KLF12: variants seen among roughly 807,000 people sequenced by gnomAD.
KLF12 encodes the protein KLF transcription factor 12, also known as Krueppel-like factor 12.
A neutral mutation model predicts 37.8 loss-of-function variants in KLF12; 9 were observed. The observed-to-expected ratio is 0.24, with a 90% CI of 0.14 to 0.42. The LOEUF is 0.42. KLF12 is among the 10% of genes least tolerant of loss of function. The pLI is 1.00. For synonymous variants in KLF12, 208 were observed against 202.1 expected (o/e 1.03, Z -0.25); for missense variants, 411 against 516.0 (o/e 0.80, Z 1.97).
intron 2 of KLF12, among the ~76,000 whole-genome samples, chr13:73,983,360 C>A (rs1411958969): frequency 3.3e-5 from 5 of 152,192 alleles, no homozygotes; most frequent in African/African-American, 1.2e-4. Flanking sequence ...GATGTCAGCA[C>A]GGACCTTTCA....
chr13:74,229,909 G>A, the KLF12 span, among the ~76,000 whole-genome samples: 1 of 152,128 alleles, frequency 6.6e-6, no homozygotes, highest in Non-Finnish European at 1.5e-5. Flanking sequence ...TGTTTCCTTG[G>A]CTCTTCAAAG....
chr13:73,797,840 T>C (rs926702261), intron 5 of KLF12, among the ~76,000 whole-genome samples: 2 of 151,854 alleles, frequency 1.3e-5, no homozygotes, highest in Non-Finnish European at 2.9e-5. Flanking sequence ...TTATCGTTAC[T>C]TGCTCAAAAC....
At chr13:74,126,342 A>G (rs140064175) in intron 1 of KLF12, among the ~76,000 whole-genome samples, 19 of 152,306 alleles carry the variant, frequency 1.2e-4, no homozygotes, top group Admixed American at 1.2e-3. Context: ...AAGGGACCAG[A>G]CATGTTTTAA....
At chr13:74,188,320 C>A in the KLF12 span, among the ~76,000 whole-genome samples, 1 of 151,976 alleles carries the variant, frequency 6.6e-6, no homozygotes, top group Non-Finnish European at 1.5e-5. Flanking sequence ...TAAAACAGAC[C>A]CAAATTATGT....
the KLF12 span, among the ~76,000 whole-genome samples, chr13:74,227,594 G>T: frequency 6.6e-6 from 1 of 151,948 alleles, no homozygotes; most frequent in African/African-American, 2.4e-5. Context: ...TTGCTTAAAG[G>T]TTTAACTCTT....
chr13:74,009,703 T>A (rs1032735611), intron 1 of KLF12, among the ~76,000 whole-genome samples: 10 of 152,216 alleles, frequency 6.6e-5, no homozygotes, highest in Non-Finnish European at 1.5e-4. Flanking sequence ...AATAAATGTA[T>A]ATAGTTAAAT....
the KLF12 span, among the ~76,000 whole-genome samples, chr13:74,292,807 C>G: frequency 1.3e-5 from 2 of 152,164 alleles, no homozygotes; most frequent in African/African-American, 2.4e-5. Flanking sequence ...TTTTCCATTG[C>G]CACTAGACAT....
the KLF12 span, among the ~76,000 whole-genome samples, chr13:74,255,729 T>TAAAA: frequency 5.3e-5 from 8 of 152,324 alleles, no homozygotes; most frequent in East Asian, 1.5e-3. Flanking sequence ...GAGAACTAAC[T>TAAAA]CTATCTACTG....
the KLF12 span, among the ~76,000 whole-genome samples, chr13:74,301,768 A>G: frequency 6.6e-6 from 1 of 152,144 alleles, no homozygotes; most frequent in Non-Finnish European, 1.5e-5. Context: ...AGACTCCTGC[A>G]TCCCATATTT....
intron 7 of KLF12, among the ~76,000 whole-genome samples, chr13:73,696,804 C>CT (rs1174675564): frequency 6.6e-6 from 1 of 152,182 alleles, no homozygotes; most frequent in Admixed American, 6.5e-5. Flanking sequence ...CAATCCAGTG[C>CT]TTTTCACTAT....
intron 5 of KLF12, among the ~76,000 whole-genome samples, chr13:73,811,190 TGGC>T (rs1882924538): frequency 6.6e-6 from 1 of 151,818 alleles, no homozygotes; most frequent in East Asian, 1.9e-4. Flanking sequence ...TTCACTATGT[TGGC>T]CAGGCTGGCC....
At position 73,944,020 on chromosome 13, in the gene KLF12, T is replaced by C; in HGVS notation, c.84A>G (p.Ala28=). 2 of 1,613,284 alleles carry C rather than the reference T, an allele frequency of 1.2e-6. No individual in the cohort carries two copies. Among genetic ancestry groups the C allele is most frequent in the Non-Finnish European group, 1.7e-6 (2 of 1,179,548 alleles). The change falls in exon 3 of 8, where the codon GCA becomes GCG. Residue 28 remains alanine, a synonymous_variant. Transcript: ENST00000377669. Reference sequence around the variant, plus strand: ...CCAAAAGCTCTGTTTTGACTCTGACTGCCGGCATCCCATCAAGCATTAACA... The same window carrying C: ...CCAAAAGCTCTGTTTTGACTCTGACCGCCGGCATCCCATCAAGCATTAACA...
chr13:74,140,062 T>G, the KLF12 span, among the ~76,000 whole-genome samples: 1 of 152,290 alleles, frequency 6.6e-6, no homozygotes, highest in Admixed American at 6.5e-5. Flanking sequence ...TTTTCCCAAA[T>G]TTTTGCAATT....
At chr13:73,845,110 G>A (rs968900097) in intron 4 of KLF12, 4 of 152,130 alleles carry the variant, frequency 2.6e-5, no homozygotes, top group African/African-American at 9.7e-5. Flanking sequence ...GAAATAACTA[G>A]TGATGATTAC....
chr13:73,907,669 G>C (rs756634342), intron 3 of KLF12, among the ~76,000 whole-genome samples: 4 of 152,208 alleles, frequency 2.6e-5, no homozygotes, highest in Non-Finnish European at 5.9e-5. Context: ...CCAGGTGTTA[G>C]ATGGCACAGT....
intron 1 of KLF12, among the ~76,000 whole-genome samples, chr13:74,071,092 T>C (rs574229932): frequency 1.8e-4 from 27 of 152,346 alleles, no homozygotes; most frequent in Middle Eastern, 3.4e-3. Flanking sequence ...AAGTAATGCA[T>C]GTTAAAGATG....
chr13:74,129,959 G>A (rs549656500), intron 1 of KLF12, among the ~76,000 whole-genome samples: 47 of 152,308 alleles, frequency 3.1e-4, no homozygotes, highest in African/African-American at 1.1e-3. Flanking sequence ...GCCGACCTAG[G>A]CCCTAAAAAT....
At chr13:74,118,548 A>G (rs1470753383) in intron 1 of KLF12, among the ~76,000 whole-genome samples, 1 of 152,242 alleles carries the variant, frequency 6.6e-6, no homozygotes, top group Non-Finnish European at 1.5e-5. Flanking sequence ...TTCCTGGTAG[A>G]TAAGAGAATG....
chr13:73,885,253 CTGTCA>C (rs1887168782), intron 3 of KLF12, among the ~76,000 whole-genome samples: 1 of 149,880 alleles, frequency 6.7e-6, no homozygotes, highest in Non-Finnish European at 1.5e-5. Context: ...AATCTTCCCC[CTGTCA>C]TTTTTGCATC....
Sources: gnomAD v4.1 joint callset for allele counts (sites outside exome capture counted in the v4.1 genomes callset) on GRCh38, gnomAD v4.1.1 for gene constraint, MANE v1.5 for transcripts, NCBI Gene and HGNC (gene_info 2026-07-23, HGNC 2026-07-21) for gene names.